Variants in CNTN3 observed in about 807,000 individuals in gnomAD.
CNTN3 encodes the protein contactin 3.
Under a neutral mutation model 119.1 loss-of-function variants are expected in CNTN3, and 60 were observed. The ratio of observed to expected loss-of-function variants is 0.50; its 90% CI spans 0.41 to 0.62. The LOEUF (loss-of-function observed/expected upper bound fraction) is 0.62. Among genes scored for constraint, CNTN3 ranks in the 20% least tolerant of loss-of-function variants. The pLI is 0.00. For missense variants in CNTN3, 1,101 were observed against 1,242.4 expected, an observed-to-expected ratio of 0.89 and a Z score of 1.71; for synonymous variants, 450 against 438.7, an observed-to-expected ratio of 1.03 and a Z score of -0.32.
At chr3:74,575,102 T>A (rs1270132795) in intron 1 of CNTN3, among the ~76,000 whole-genome samples, 1 of 151,964 alleles carries the variant, frequency 6.6e-6, no homozygotes, top group Non-Finnish European at 1.5e-5. Flanking sequence ...TTCTTTTTAT[T>A]TTTGTAGAGA....
intron 1 of CNTN3, among the ~76,000 whole-genome samples, chr3:74,578,772 C>T (rs80278774): frequency 5.3e-5 from 8 of 151,974 alleles, no homozygotes; most frequent in South Asian, 2.1e-4. Flanking sequence ...CTCAAAAGGA[C>T]TCTAGTGATG....
chr3:74,299,706 C>T (rs981584289), intron 17 of CNTN3, among the ~76,000 whole-genome samples, 162 bp downstream of exon 17: 1 of 152,042 alleles, frequency 6.6e-6, no homozygotes, highest in African/African-American at 2.4e-5. Context: ...ACCACTAATC[C>T]CACCATCACC....
intron 4 of CNTN3, among the ~76,000 whole-genome samples, chr3:74,450,046 T>C (rs902247696): frequency 1.3e-5 from 2 of 152,120 alleles, no homozygotes; most frequent in East Asian, 1.9e-4. Flanking sequence ...ATCCTCCCAA[T>C]AGCCCTTACC....
intron 2 of CNTN3, among the ~76,000 whole-genome samples, chr3:74,520,753 AT>A (rs146873254): frequency 0.022 from 3,298 of 151,624 alleles, 120 homozygotes; most frequent in African/African-American, 0.071. Context: ...TGGAAAAAAA[AT>A]GTCACAAATT....
intron 13 of CNTN3, among the ~76,000 whole-genome samples, chr3:74,323,266 A>G (rs1300080843): frequency 7.2e-5 from 11 of 152,128 alleles, no homozygotes. Flanking sequence ...TACTTTCTGT[A>G]CTTTCAGTTC....
intron 4 of CNTN3, among the ~76,000 whole-genome samples, chr3:74,458,277 C>G (rs1702304650): frequency 6.6e-6 from 1 of 152,072 alleles, no homozygotes; most frequent in East Asian, 1.9e-4. Context: ...TTTTTCAGGA[C>G]TTACAATATA....
chr3:74,426,086 C>A (rs1701690406), intron 4 of CNTN3, among the ~76,000 whole-genome samples: 1 of 152,086 alleles, frequency 6.6e-6, no homozygotes, highest in East Asian at 1.9e-4. Context: ...TCCAGTACAG[C>A]AAATACTGAT....
intron 13 of CNTN3, among the ~76,000 whole-genome samples, chr3:74,328,619 T>C (rs114452276): frequency 0.017 from 2,526 of 152,284 alleles, 81 homozygotes; most frequent in African/African-American, 0.057. Flanking sequence ...TTCATAAATA[T>C]TGTACTTGAT....
intron 20 of CNTN3, among the ~76,000 whole-genome samples, chr3:74,271,146 A>C (rs560665035): frequency 6.6e-6 from 1 of 152,304 alleles, no homozygotes; most frequent in East Asian, 1.9e-4. Context: ...CTATCATATA[A>C]CCATGATTAG....
intron 1 of CNTN3, among the ~76,000 whole-genome samples, 173 bp from the exon 2 acceptor site, chr3:74,521,365 A>G (rs1214548722): frequency 6.6e-6 from 1 of 151,564 alleles, no homozygotes; most frequent in East Asian, 1.9e-4. Flanking sequence ...GTAGATACTT[A>G]AAAAACATGT....
At chr3:74,397,782 C>T (rs28823610) in intron 5 of CNTN3, among the ~76,000 whole-genome samples, 6,385 of 152,214 alleles carry the variant, frequency 0.042, 464 homozygotes, top group African/African-American at 0.14. Flanking sequence ...ATTAGAAACA[C>T]TCATGATTCA....
chr3:74,364,444 A>C lies in CNTN3; in HGVS notation c.1213+23T>G, dbSNP rs113959519. ...GGATTTAAGACAAAAAATTAAGAGAAGAGCAGAGAAAATCAGCCTTACCAA... is the reference window on the plus strand; with the variant it reads ...GGATTTAAGACAAAAAATTAAGAGACGAGCAGAGAAAATCAGCCTTACCAA... On this transcript the variant is annotated intron_variant, in intron 10 of 22. Transcript: ENST00000263665. 44 of 1,599,914 alleles carry C rather than the reference A, an allele frequency of 2.8e-5. 2 individuals are homozygous for C. The highest frequency in any genetic ancestry group is 2.7e-4 in the African/African-American group (20 of 74,424).
chr3:74,518,010 G>A (rs982011075), intron 2 of CNTN3, among the ~76,000 whole-genome samples: 1 of 151,954 alleles, frequency 6.6e-6, no homozygotes, highest in Non-Finnish European at 1.5e-5. Context: ...ATTTGAGTGA[G>A]CACTTTATTT....
chr3:74,452,429 G>A (rs1336659181), intron 4 of CNTN3, among the ~76,000 whole-genome samples: 1 of 145,552 alleles, frequency 6.9e-6, no homozygotes, highest in Admixed American at 6.9e-5. Flanking sequence ...AGACGATGGG[G>A]TTTTCTAGAT....
intron 20 of CNTN3, among the ~76,000 whole-genome samples, chr3:74,274,465 T>C (rs1208247745): frequency 2.0e-5 from 3 of 151,964 alleles, no homozygotes; most frequent in Non-Finnish European, 4.4e-5. Flanking sequence ...TCATAGATGG[T>C]TTACATCATA....
At chr3:74,344,903 A>G (rs1481806856) in intron 11 of CNTN3, among the ~76,000 whole-genome samples, 1 of 151,972 alleles carries the variant, frequency 6.6e-6, no homozygotes, top group African/African-American at 2.4e-5. Context: ...AAACAATAAC[A>G]GTTTTCATAC....
At chr3:74,564,555 C>T (rs745983693) in intron 1 of CNTN3, among the ~76,000 whole-genome samples, 4 of 150,344 alleles carry the variant, frequency 2.7e-5, no homozygotes, top group Non-Finnish European at 5.9e-5. Context: ...CCATTCATTC[C>T]ACCAACACTT....
chr3:74,494,905 G>A (rs948432428), intron 3 of CNTN3, among the ~76,000 whole-genome samples: 2 of 152,006 alleles, frequency 1.3e-5, no homozygotes, highest in East Asian at 1.9e-4. Context: ...CAACGGTTGG[G>A]CACATTGTTT....
intron 1 of CNTN3, among the ~76,000 whole-genome samples, chr3:74,583,292 T>A (rs146956680): frequency 1.7e-4 from 26 of 151,510 alleles, no homozygotes; most frequent in Non-Finnish European, 3.4e-4. Context: ...CAATAATAAC[T>A]CGAGTCTGAA....
Sources: gnomAD v4.1 joint callset for allele counts (sites outside exome capture counted in the v4.1 genomes callset) on GRCh38, gnomAD v4.1.1 for gene constraint, MANE v1.5 for transcripts, NCBI Gene and HGNC (gene_info 2026-07-23, HGNC 2026-07-21) for gene names.